Variants in CCDC178 observed in about 807,000 individuals in gnomAD.
CCDC178 encodes the protein coiled-coil domain containing 178.
CCDC178 carries 126 observed loss-of-function variants against 117.4 expected under a neutral mutation model. The ratio of observed to expected loss-of-function variants is 1.07; its 90% CI spans 0.93 to 1.24. The LOEUF is 1.24. CCDC178 is among the 50% of genes most tolerant of loss of function. CCDC178 has a pLI of 0.00. For synonymous variants in CCDC178, 283 were observed against 313.4 expected (o/e 0.90, Z 1.02); for missense variants, 1,030 against 986.9 (o/e 1.04, Z -0.59).
At chr18:33,222,923 G>T (rs2059254957) in intron 18 of CCDC178, among the ~76,000 whole-genome samples, 183 bp downstream of exon 18, 1 of 152,020 alleles carries the variant, frequency 6.6e-6, no homozygotes, top group African/African-American at 2.4e-5. Context: ...GATACTGCAA[G>T]AGAAAGTAAA....
chr18:32,937,732 G>T lies in CCDC178; in HGVS notation c.*279C>A. Reference sequence around the variant, plus strand: ...GTAATTATTCTCTCTTCCAATTAATGGTGACATAGATTAATTATCAGATGA... The same window carrying T: ...GTAATTATTCTCTCTTCCAATTAATTGTGACATAGATTAATTATCAGATGA... On this transcript the variant is annotated 3_prime_UTR_variant, in exon 23 of 23. Coordinates refer to ENST00000383096, the MANE Select transcript of CCDC178 (RefSeq NM_001105528.4). The T allele has an allele frequency of 2.7e-6, 1 of 372,754 alleles. No homozygotes were observed. Among genetic ancestry groups the T allele is most frequent in the Non-Finnish European group, 4.9e-6 (1 of 204,714 alleles). 23.1% of individuals were successfully genotyped at this position (372,754 alleles called of 1,614,324 possible).
intron 21 of CCDC178, among the ~76,000 whole-genome samples, chr18:33,004,295 A>G (rs1288375504): frequency 1.3e-5 from 2 of 152,122 alleles, no homozygotes; most frequent in East Asian, 3.9e-4. Flanking sequence ...AGACAGGTAG[A>G]CCAATAGAAC....
At chr18:33,306,835 G>GAAA in intron 11 of CCDC178, among the ~76,000 whole-genome samples, 1 of 151,914 alleles carries the variant, frequency 6.6e-6, no homozygotes, top group Non-Finnish European at 1.5e-5. Flanking sequence ...CATTGGGGTG[G>GAAA]TTTCCTTCAT....
At chr18:32,949,198 T>A (rs2054421081) in intron 22 of CCDC178, among the ~76,000 whole-genome samples, 1 of 152,146 alleles carries the variant, frequency 6.6e-6, no homozygotes, top group Non-Finnish European at 1.5e-5. Context: ...TGGTTTTGAG[T>A]AATTTCATTA....
intron 5 of CCDC178, among the ~76,000 whole-genome samples, chr18:33,388,519 A>ATTTTTTTTTTTTT (rs71159828): frequency 0.09 from 5,886 of 65,186 alleles, 1,877 homozygotes; most frequent in African/African-American, 0.094. Context: ...ACACCACGGA[A>ATTTTTTTTTTTTT]TTTTTTTTTT....
At chr18:33,086,753 T>C (rs944094229) in intron 21 of CCDC178, among the ~76,000 whole-genome samples, 1 of 152,110 alleles carries the variant, frequency 6.6e-6, no homozygotes, top group African/African-American at 2.4e-5. Flanking sequence ...TCTGTCTCTC[T>C]GTATATCAAG....
intron 2 of CCDC178, among the ~76,000 whole-genome samples, chr18:33,416,141 G>T (rs2063936690): frequency 2.0e-5 from 3 of 152,232 alleles, no homozygotes; most frequent in Non-Finnish European, 4.4e-5. Context: ...GAAAAAAACT[G>T]CCCGGGCCGG....
At chr18:33,311,026 A>G (rs1485183806) in intron 11 of CCDC178, among the ~76,000 whole-genome samples, 4 of 152,142 alleles carry the variant, frequency 2.6e-5, no homozygotes, top group Non-Finnish European at 5.9e-5. Context: ...TTAGATCTTT[A>G]TAACTGAAAG....
chr18:33,119,056 TA>T (rs1320570588), intron 20 of CCDC178, among the ~76,000 whole-genome samples: 1 of 152,154 alleles, frequency 6.6e-6, no homozygotes, highest in African/African-American at 2.4e-5. Flanking sequence ...ATTAAAGACT[TA>T]AATGTTAGAC....
At chr18:33,049,547 T>G (rs964421472) in intron 21 of CCDC178, among the ~76,000 whole-genome samples, 2 of 152,168 alleles carry the variant, frequency 1.3e-5, no homozygotes, top group African/African-American at 4.8e-5. Context: ...TTTTTATAGC[T>G]CCAGCATGTT....
intron 4 of CCDC178, among the ~76,000 whole-genome samples, chr18:33,395,962 G>A (rs972388137): frequency 1.3e-5 from 2 of 151,778 alleles, no homozygotes; most frequent in Non-Finnish European, 2.9e-5. Flanking sequence ...GCTTTGACTT[G>A]AAAAAATAAT....
At chr18:33,179,446 C>G (rs558333028) in intron 20 of CCDC178, among the ~76,000 whole-genome samples, 40 of 151,846 alleles carry the variant, frequency 2.6e-4, no homozygotes, top group African/African-American at 9.4e-4. Context: ...GTTGCATTAT[C>G]TGTTTGATCA....
chr18:33,120,845 T>C (rs1461839539), intron 20 of CCDC178, among the ~76,000 whole-genome samples: 2 of 152,178 alleles, frequency 1.3e-5, no homozygotes, highest in African/African-American at 2.4e-5. Flanking sequence ...AGTTACAGGA[T>C]ATTAAACAAG....
At chr18:33,108,837 A>G (rs963228043) in intron 20 of CCDC178, among the ~76,000 whole-genome samples, 6 of 151,732 alleles carry the variant, frequency 4.0e-5, no homozygotes, top group Admixed American at 1.3e-4. Flanking sequence ...AACTAGTAAG[A>G]ATTCAAGCTA....
chr18:33,387,800 GAGAA>G (rs2063515255), intron 5 of CCDC178, among the ~76,000 whole-genome samples: 1 of 152,156 alleles, frequency 6.6e-6, no homozygotes, highest in African/African-American at 2.4e-5. Context: ...CATAGGCATG[GAGAA>G]AGACTTTATG....
intron 5 of CCDC178, among the ~76,000 whole-genome samples, chr18:33,373,144 A>C (rs577238449): frequency 4.1e-4 from 63 of 152,290 alleles, no homozygotes; most frequent in African/African-American, 1.4e-3. Context: ...TATACATGAG[A>C]AAAATAAAAA....
chr18:32,949,762 G>A (rs2054439292), intron 22 of CCDC178, among the ~76,000 whole-genome samples: 1 of 151,902 alleles, frequency 6.6e-6, no homozygotes, highest in Non-Finnish European at 1.5e-5. Context: ...TGCATTCCTG[G>A]ATTTGATGTT....
At chr18:33,330,164 C>T (rs1047856188) in intron 10 of CCDC178, among the ~76,000 whole-genome samples, 1 of 151,792 alleles carries the variant, frequency 6.6e-6, no homozygotes, top group Non-Finnish European at 1.5e-5. Flanking sequence ...CATAATTCTG[C>T]TTTTCATTTT....
intron 11 of CCDC178, among the ~76,000 whole-genome samples, chr18:33,303,397 T>G (rs1466283832): frequency 1.3e-5 from 2 of 152,190 alleles, no homozygotes; most frequent in Non-Finnish European, 2.9e-5. Context: ...GTGCAACTAT[T>G]GAATAATATT....
Sources: allele counts gnomAD v4.1 joint callset (sites outside exome capture counted in the v4.1 genomes callset), GRCh38; gene constraint gnomAD v4.1.1; transcripts MANE v1.5; gene names NCBI Gene and HGNC (gene_info 2026-07-23, HGNC 2026-07-21).